ACSL6: variants seen among roughly 807,000 people sequenced by gnomAD.
ACSL6 encodes the protein acyl-CoA synthetase long chain family member 6, also known as long-chain-fatty-acid--CoA ligase 6.
A neutral mutation model predicts 98.2 loss-of-function variants in ACSL6; 47 were observed. That is an observed-to-expected ratio of 0.48 (90% CI 0.38 to 0.61). The LOEUF (loss-of-function observed/expected upper bound fraction) is 0.61, where lower values mean the gene tolerates loss of function less well. Ranked by LOEUF, ACSL6 falls within the 20% of genes least tolerant of loss-of-function variation. ACSL6 has a pLI of 0.00. For synonymous variants in ACSL6, 362 were observed against 336.9 expected (o/e 1.07, Z -0.82); for missense variants, 761 against 913.4 (o/e 0.83, Z 2.15).
intron 9 of ACSL6, among the ~76,000 whole-genome samples, chr5:131,979,383 C>G (rs1753782363): frequency 6.6e-6 from 1 of 152,164 alleles, no homozygotes; most frequent in Non-Finnish European, 1.5e-5. Context: ...CTTGAGAGAA[C>G]TCAGGGTGAA....
chr5:131,950,554 A>G lies in ACSL6; in HGVS notation c.*3680T>C. 1 of 199,986 alleles carries G rather than the reference A, an allele frequency of 5.0e-6. No homozygotes were observed. 12.4% of individuals were successfully genotyped at this position (199,986 alleles called of 1,614,324 possible). A position where few individuals can be genotyped will look rare whatever the true frequency, so the allele number is the denominator to read the frequency against. ...AAATACAGCCAATTTATAGTTTACC[A>G]ATTTTATATACGGTTATTCATTCTT... On this transcript the variant is annotated 3_prime_UTR_variant, in exon 21 of 21. Coordinates refer to ENST00000651883, the MANE Select transcript of ACSL6 (RefSeq NM_001009185.3).
rs1293777423 is a variant in ACSL6 at position 131,975,081 on chromosome 5, G to C, written c.991-111C>G. The C allele has an allele frequency of 2.1e-6, 3 of 1,459,894 alleles. No homozygotes were observed. The African/African-American group carries it at 4.3e-5, about 21-fold the overall frequency. The allele number at this position is 1,459,894 out of a possible 1,614,324, so 90.4% of individuals were successfully genotyped here. On this transcript the variant is annotated intron_variant, in intron 10 of 20. Coordinates refer to ENST00000651883, the MANE Select transcript of ACSL6 (RefSeq NM_001009185.3). ...TGGTCCTGGAGGGTAAACAGGAAGA[G>C]GGGGAGGGGAATGGGAGTGGTGAGG...
At chr5:132,012,124 C>A, upstream of ACSL6, 1 of 589,066 alleles carries the variant, frequency 1.7e-6, no homozygotes, top group Non-Finnish European at 2.6e-6. Context: ...TGGGCTGTTG[C>A]CCGCTGACAC....
intron 1 of ACSL6, among the ~76,000 whole-genome samples, chr5:132,010,984 AC>A (rs1350657165): frequency 6.6e-6 from 1 of 151,670 alleles, no homozygotes; most frequent in African/African-American, 2.4e-5. Flanking sequence ...AGCCAGGTGA[AC>A]CCTACCTTAC....
At chr5:131,987,124 A>G (rs1754240002) in intron 7 of ACSL6, among the ~76,000 whole-genome samples, 1 of 152,164 alleles carries the variant, frequency 6.6e-6, no homozygotes, top group Non-Finnish European at 1.5e-5. Flanking sequence ...CTCTTCTCAG[A>G]CAGACATCTA....
intron 6 of ACSL6, chr5:131,988,555 C>T (rs751753699): frequency 2.6e-6 from 4 of 1,545,216 alleles, no homozygotes; most frequent in Non-Finnish European, 2.6e-6. Context: ...GAGGGCTGTA[C>T]CCTGTGTGGA....
At chr5:131,985,098 G>C (rs1440254267) in intron 9 of ACSL6, 5 of 393,982 alleles carry the variant, frequency 1.3e-5, no homozygotes, top group East Asian at 4.9e-5. Flanking sequence ...GTTTACCAGA[G>C]AGAAATGATG....
chr5:131,950,754 A>G lies in ACSL6; in HGVS notation c.*3480T>C, dbSNP rs1410516578. 5 of 193,128 alleles carry G rather than the reference A, an allele frequency of 2.6e-5. No individual in the cohort carries two copies. Among genetic ancestry groups the G allele is most frequent in the Non-Finnish European group, 4.3e-5 (4 of 92,620 alleles). The allele number at this position is 193,128 out of a possible 1,614,324, so 12.0% of individuals were successfully genotyped here. The stretch of plus-strand genomic sequence containing the variant: ...TCATTTTCTTTACTGCAGAAAAAGG[A>G]AAGGTTATTGGTTCTTTGATAGGTA... On this transcript the variant is annotated 3_prime_UTR_variant, in exon 21 of 21. Transcript: ENST00000651883.
chr5:131,951,833 C>T lies in ACSL6; in HGVS notation c.*2401G>A, dbSNP rs886454903. On this transcript the variant is annotated 3_prime_UTR_variant, in exon 21 of 21. Coordinates refer to ENST00000651883, the MANE Select transcript of ACSL6 (RefSeq NM_001009185.3). ...CGATCTCCTGACTTCGTGATCTGCC[C>T]GCCTCGGCCTCCCAAAGTGCTGGGA... 67 of 162,928 alleles carry T rather than the reference C, an allele frequency of 4.1e-4. No individual in the cohort carries two copies. In the East Asian group the frequency reaches 8.2e-3, roughly 20 times the overall value. The allele number at this position is 162,928 out of a possible 1,614,324, so 10.1% of individuals were successfully genotyped here.
intron 6 of ACSL6, 74 bp from the exon 7 acceptor site, chr5:131,988,300 C>T: frequency 6.5e-7 from 1 of 1,541,112 alleles, no homozygotes; most frequent in Admixed American, 1.8e-5. Flanking sequence ...TGCCAGGCAG[C>T]ACATGCCAGG....
In ACSL6 at chr5:131,971,578, C is replaced by A; in HGVS notation, c.1406G>T (p.Gly469Val). 1 of 1,611,702 alleles carries A rather than the reference C, an allele frequency of 6.2e-7. No individual in the cohort carries two copies. Among genetic ancestry groups the A allele is most frequent in the Non-Finnish European group, 8.5e-7 (1 of 1,178,820 alleles). The change falls in exon 14 of 21, where the codon GGA becomes GTA. Residue 469 changes from glycine (G) to valine (V), a missense_variant. Coordinates refer to ENST00000651883, the MANE Select transcript of ACSL6 (RefSeq NM_001009185.3). Reference protein sequence around the residue: ...GAAPASPTVLGFLRAALGCQV... With the variant: ...GAAPASPTVLVFLRAALGCQV... ...GCACCCTAGAGCTGCCCGGAGAAATCCCAGAACTGTTGGTGATGCTGGGGC... is the reference window on the plus strand; with the variant it reads ...GCACCCTAGAGCTGCCCGGAGAAATACCAGAACTGTTGGTGATGCTGGGGC...
chr5:131,993,912 G>C (rs769173143), intron 2 of ACSL6, 119 bp downstream of exon 2: 67 of 1,064,452 alleles, frequency 6.3e-5, no homozygotes, highest in Non-Finnish European at 8.6e-5. Context: ...TGACTGCCAG[G>C]GGAGACACCT....
intron 18 of ACSL6, 39 bp from the exon 19 acceptor site, chr5:131,960,660 T>C (rs1222531398): frequency 1.3e-6 from 2 of 1,541,134 alleles, no homozygotes; most frequent in East Asian, 2.3e-5. Context: ...TCATGACAAA[T>C]GCATTTAAAG....
chr5:131,992,399 C>T (rs953300941), intron 2 of ACSL6, among the ~76,000 whole-genome samples: 2 of 152,142 alleles, frequency 1.3e-5, no homozygotes, highest in Non-Finnish European at 2.9e-5. Context: ...CTGATCTGGG[C>T]CCCTCTTGCC....
At position 131,975,150 on chromosome 5, in the gene ACSL6, G is replaced by C. The variant is rs143279883; in HGVS notation, c.991-180C>G. Reference sequence around the variant, plus strand: ...TGAAAGAGAGAAGAAATGAGAGAGAGAGGGAGAGAGAGAGGGAGGGGGAAG... The same window carrying C: ...TGAAAGAGAGAAGAAATGAGAGAGACAGGGAGAGAGAGAGGGAGGGGGAAG... On this transcript the variant is annotated intron_variant, in intron 10 of 20. Transcript: ENST00000651883. The C allele has an allele frequency of 9.0e-4, 1,279 of 1,415,060 alleles. 13 individuals are homozygous for C. In the African/African-American group the frequency reaches 0.017, roughly 18 times the overall value. 87.7% of individuals were successfully genotyped at this position (1,415,060 alleles called of 1,614,324 possible).
Position 131,988,917 on chromosome 5 carries a change from A to C in ACSL6, c.553-13T>G. On this transcript the variant is annotated splice_polypyrimidine_tract_variant and intron_variant, in intron 5 of 20. Transcript: ENST00000651883. ...CCACAATGATCCACTGTGGAGACAC[A>C]TGAGGCGGGGGTGGGGAAGAAGGGG... 14 of 1,086,260 alleles carry C rather than the reference A, an allele frequency of 1.3e-5. No individual in the cohort carries two copies. Among genetic ancestry groups the C allele is most frequent in the Non-Finnish European group, 1.7e-5 (12 of 718,900 alleles). 67.3% of individuals were successfully genotyped at this position (1,086,260 alleles called of 1,614,324 possible).
intron 1 of ACSL6, among the ~76,000 whole-genome samples, chr5:131,997,601 A>G (rs1754859095): frequency 6.6e-6 from 1 of 152,176 alleles, no homozygotes; most frequent in Non-Finnish European, 1.5e-5. Context: ...CGCCATGGAC[A>G]TGGGTGGGCT....
rs1389807017 is a variant in ACSL6 at position 131,966,680 on chromosome 5, C to G, written c.1597-148G>C. On this transcript the variant is annotated intron_variant, in intron 16 of 20. Coordinates refer to ENST00000651883, the MANE Select transcript of ACSL6 (RefSeq NM_001009185.3). ...AGGGATGGAAACAGAGGACAAGGAA[C>G]AGCCAGCAGCCATCTGAACTGTCTC... The G allele has an allele frequency of 1.7e-5, 12 of 720,662 alleles. No individual in the cohort carries two copies. The Admixed American group carries it at 2.3e-4, about 14-fold the overall frequency. 44.6% of individuals were successfully genotyped at this position (720,662 alleles called of 1,614,324 possible). A position where few individuals can be genotyped will look rare whatever the true frequency, so the allele number is the denominator to read the frequency against.
rs374067930 is a variant in ACSL6 at position 131,988,031 on chromosome 5, C to T, written c.831+17G>A. 5.0e-6 allele frequency: 8 copies of T among 1,611,200 alleles called. No individual in the cohort carries two copies. Among genetic ancestry groups the T allele is most frequent in the Non-Finnish European group, 5.1e-6 (6 of 1,178,032 alleles). On this transcript the variant is annotated intron_variant, in intron 7 of 20. Coordinates refer to ENST00000651883, the MANE Select transcript of ACSL6 (RefSeq NM_001009185.3). ...GCCAGCAGTAGCCCAGCAAACCGCC[C>T]AGAAGCAGACCCTCACCTCCACGGC...
Sources: gnomAD v4.1 joint callset for allele counts (sites outside exome capture counted in the v4.1 genomes callset) on GRCh38, gnomAD v4.1.1 for gene constraint, MANE v1.5 for transcripts, NCBI Gene and HGNC (gene_info 2026-07-23, HGNC 2026-07-21) for gene names.